Variants in GIGYF2 observed in about 807,000 individuals in gnomAD.
GIGYF2 encodes the protein GRB10 interacting GYF protein 2, also known as GRB10-interacting GYF protein 2.
Under a neutral mutation model 208.1 loss-of-function variants are expected in GIGYF2, and 25 were observed. The observed-to-expected ratio is 0.12, with a 90% confidence interval of 0.09 to 0.17. The LOEUF (loss-of-function observed/expected upper bound fraction) is 0.17, where lower values mean the gene tolerates loss of function less well. Ranked by LOEUF, GIGYF2 falls within the 10% of genes least tolerant of loss-of-function variation. GIGYF2 has a pLI of 1.00. For synonymous variants in GIGYF2, 534 were observed against 543.8 expected, an observed-to-expected ratio of 0.98 and a Z score of 0.25; for missense variants, 1,302 against 1,579.4, an observed-to-expected ratio of 0.82 and a Z score of 2.98.
chr2:232,730,000 C>T, intron 2 of GIGYF2: 1 of 748,086 alleles, frequency 1.3e-6, no homozygotes, highest in Admixed American at 1.9e-5. Flanking sequence ...GGAAGGCTGG[C>T]CTTTTCTTTT....
intron 22 of GIGYF2, among the ~76,000 whole-genome samples, chr2:232,834,881 G>A (rs1473244812): frequency 6.6e-6 from 1 of 152,038 alleles, no homozygotes; most frequent in African/African-American, 2.4e-5. Context: ...GCATGCAAGT[G>A]TAGTTTTCTT....
chr2:232,836,385 TATATATAAATATAA>T (rs1701634613), intron 22 of GIGYF2, among the ~76,000 whole-genome samples: 3 of 102,666 alleles, frequency 2.9e-5, no homozygotes, highest in African/African-American at 1.2e-4. Context: ...TAAATATAAA[TATATATAAATATAA>T]ATATATATAT....
rs73003660 is a variant in GIGYF2 at position 232,728,565 on chromosome 2, T to G, written c.-43-6590T>G. Among the ~76,000 whole-genome samples the G allele has an allele frequency of 1.6e-3, 249 of 152,208 alleles. 1 individual carries two copies. Among genetic ancestry groups the G allele is most frequent in the Non-Finnish European group, 2.9e-3 (195 of 68,006 alleles). On this transcript the variant is annotated intron_variant, in intron 2 of 28. Coordinates refer to ENST00000373563, the MANE Select transcript of GIGYF2 (RefSeq NM_001103146.3). Reference sequence around the variant, plus strand: ...CAGTAAACTGAAAACAGTAGTGCCTTGATGATATGATCAGTCAGTGATCCC... The same window carrying G: ...CAGTAAACTGAAAACAGTAGTGCCTGGATGATATGATCAGTCAGTGATCCC...
At chr2:232,717,440 T>C (rs1369476088) in intron 2 of GIGYF2, among the ~76,000 whole-genome samples, 1 of 152,162 alleles carries the variant, frequency 6.6e-6, no homozygotes, top group Non-Finnish European at 1.5e-5. Context: ...ACCACTTAGA[T>C]CATGATAGTG....
At chr2:232,779,945 T>C (rs1323984004) in intron 8 of GIGYF2, among the ~76,000 whole-genome samples, 1 of 152,218 alleles carries the variant, frequency 6.6e-6, no homozygotes, top group Non-Finnish European at 1.5e-5. Flanking sequence ...TGTTAGATTT[T>C]TTTTTGGTGT....
chr2:232,836,967 C>CAGTG (rs1213127207), intron 22 of GIGYF2, among the ~76,000 whole-genome samples: 1 of 152,182 alleles, frequency 6.6e-6, no homozygotes, highest in African/African-American at 2.4e-5. Flanking sequence ...GAAGTGGGCA[C>CAGTG]AGTGGTCTGC....
intron 28 of GIGYF2, among the ~76,000 whole-genome samples, chr2:232,855,853 C>T (rs1690545437): frequency 6.6e-6 from 1 of 152,146 alleles, no homozygotes; most frequent in East Asian, 1.9e-4. Context: ...CCAGGGCCAG[C>T]CCAGCCTGTC....
chr2:232,775,047 C>A (rs528561765), intron 8 of GIGYF2, among the ~76,000 whole-genome samples: 1 of 151,750 alleles, frequency 6.6e-6, no homozygotes, highest in East Asian at 1.9e-4. Flanking sequence ...GGCTGATAAT[C>A]GGAACAGTTA....
At chr2:232,819,740 C>T in intron 20 of GIGYF2, 87 bp from the exon 21 acceptor site, 1 of 779,650 alleles carries the variant, frequency 1.3e-6, no homozygotes, top group Non-Finnish European at 2.3e-6. Flanking sequence ...CAGCAGATAG[C>T]CTATTACTTT....
At chr2:232,800,779 G>A (rs1233030317) in intron 14 of GIGYF2, among the ~76,000 whole-genome samples, 2 of 151,934 alleles carry the variant, frequency 1.3e-5, no homozygotes, top group African/African-American at 2.4e-5. Context: ...GCTGACACAC[G>A]CTGGCTCATG....
chr2:232,748,612 G>T (rs999299534), intron 4 of GIGYF2, among the ~76,000 whole-genome samples: 3 of 152,132 alleles, frequency 2.0e-5, no homozygotes, highest in African/African-American at 7.2e-5. Flanking sequence ...TTCAGTGATC[G>T]AGAATTTCAG....
At chr2:232,700,684 T>G (rs553348677) in intron 1 of GIGYF2, 24 of 152,360 alleles carry the variant, frequency 1.6e-4, no homozygotes, top group African/African-American at 5.3e-4. Context: ...TCCTTCAGTT[T>G]AAATTACCAT....
At chr2:232,789,970 G>C (rs573771422) in intron 9 of GIGYF2, among the ~76,000 whole-genome samples, 13 of 152,174 alleles carry the variant, frequency 8.5e-5, no homozygotes, top group Non-Finnish European at 1.3e-4. Context: ...AGAAAGAAGG[G>C]AGAGGAGTAA....
Position 232,797,731 on chromosome 2 carries a change from C to T in GIGYF2, c.1639+1510C>T, listed in dbSNP as rs138785735. On this transcript the variant is annotated intron_variant, in intron 14 of 28. Coordinates refer to ENST00000373563, the MANE Select transcript of GIGYF2 (RefSeq NM_001103146.3). Reference sequence around the variant, plus strand: ...TTGTGGTGGCTCATGCCTGTAATCCCAGCATTTGGAAGGCCAGGGTGGGTA... The same window carrying T: ...TTGTGGTGGCTCATGCCTGTAATCCTAGCATTTGGAAGGCCAGGGTGGGTA... 3.6e-3 allele frequency among the ~76,000 whole-genome samples: 543 copies of T among 152,072 alleles called. 3 individuals are homozygous for T. Among genetic ancestry groups the T allele is most frequent in the African/African-American group, 0.013 (520 of 41,466 alleles).
At chr2:232,771,093 A>C (rs907341776) in intron 8 of GIGYF2, 1 of 1,614,154 alleles carries the variant, frequency 6.2e-7, no homozygotes, top group African/African-American at 1.3e-5. Flanking sequence ...CAGGTGGGGC[A>C]TCATGATCTA....
intron 21 of GIGYF2, 23 bp downstream of exon 21, chr2:232,820,008 T>A (rs376916836): frequency 6.2e-7 from 1 of 1,612,456 alleles, no homozygotes; most frequent in African/African-American, 1.3e-5. Flanking sequence ...TTTTGTCTTC[T>A]AATTGTTCCT....
intron 8 of GIGYF2, among the ~76,000 whole-genome samples, chr2:232,769,505 CAAAAAAAAAAAA>C (rs34912964): frequency 3.0e-5 from 2 of 66,538 alleles, no homozygotes; most frequent in Non-Finnish European, 6.4e-5. Flanking sequence ...GACTCCATCT[CAAAAAAAAAAAA>C]AAAAAAAAAA....
chr2:232,836,000 T>G (rs1386979323), intron 22 of GIGYF2, among the ~76,000 whole-genome samples: 2 of 151,592 alleles, frequency 1.3e-5, no homozygotes, highest in African/African-American at 4.9e-5. Flanking sequence ...ACTGATGCAG[T>G]TAGGACAGCT....
At chr2:232,824,250 C>T (rs1159452350) in intron 21 of GIGYF2, among the ~76,000 whole-genome samples, 3 of 152,090 alleles carry the variant, frequency 2.0e-5, no homozygotes, top group Admixed American at 2.0e-4. Flanking sequence ...AAATTGAATG[C>T]TAGAAATGAT....
Sources: allele counts gnomAD v4.1 joint callset (sites outside exome capture counted in the v4.1 genomes callset), GRCh38; gene constraint gnomAD v4.1.1; transcripts MANE v1.5; gene names NCBI Gene and HGNC (gene_info 2026-07-23, HGNC 2026-07-21).